The following CLEC16A variants were observed in gnomAD, a reference collection of about 807,000 sequenced individuals.
CLEC16A encodes protein CLEC16A.
Under a neutral mutation model 109.5 loss-of-function variants are expected in CLEC16A, and 51 were observed. The ratio of observed to expected loss-of-function variants is 0.47; its 90% confidence interval spans 0.37 to 0.59. CLEC16A has a LOEUF of 0.59. CLEC16A is among the 20% of genes least tolerant of loss of function. CLEC16A has a pLI of 0.00. For missense variants in CLEC16A, 1,339 were observed against 1,394.0 expected (o/e 0.96, Z 0.63); for synonymous variants, 673 against 564.2 (o/e 1.19, Z -2.73).
rs560460133 is a variant in CLEC16A, at chr16:11,178,632, C to A, written c.3104C>A (p.Thr1035Lys). Residue 1035 changes from threonine (T) to lysine (K), a missense_variant, in exon 24 of 24, where the codon ACA (threonine) becomes AAA (lysine). This residue lies in a region of CLEC16A where 1,061 missense variants were observed against 1,006.8 expected (regional missense o/e 1.05). Transcript: ENST00000409790. The surrounding 1 kb of genome is among the most constrained non-coding windows in gnomAD (Gnocchi z 6.5). ...PPLSTPAAAC[T>K]EPVGEEAACA... ...CTGTCCACGCCGGCTGCCGCCTGCA[C>A]AGAGCCCGTGGGCGAAGAGGCTGCA... 107 of 1,592,686 alleles carry A rather than the reference C, an allele frequency of 6.7e-5. No individual in the cohort carries two copies. The South Asian group carries it at 1.1e-3, about 16-fold the overall frequency.
intron 19 of CLEC16A, among the ~76,000 whole-genome samples, chr16:11,074,926 A>G (rs966962518): frequency 1.3e-5 from 2 of 152,132 alleles, no homozygotes; most frequent in African/African-American, 4.8e-5. Flanking sequence ...TAATCCCAGC[A>G]CTTTGGGAGG....
intron 8 of CLEC16A, among the ~76,000 whole-genome samples, chr16:10,978,956 C>A (rs1004768646): frequency 7.9e-5 from 12 of 152,172 alleles, no homozygotes; most frequent in African/African-American, 1.7e-4. Context: ...CCTCCTCCCC[C>A]ATGCTTTGAA....
intron 19 of CLEC16A, among the ~76,000 whole-genome samples, chr16:11,106,777 G>C (rs2152993815): frequency 6.6e-6 from 1 of 152,178 alleles, no homozygotes; most frequent in African/African-American, 2.4e-5. Context: ...TGCATATCAT[G>C]AAGTAGAGCT....
chr16:11,106,613 G>T (rs1205061595), intron 19 of CLEC16A, among the ~76,000 whole-genome samples: 1 of 151,894 alleles, frequency 6.6e-6, no homozygotes, highest in African/African-American at 2.4e-5. Flanking sequence ...AGCCTCCTGA[G>T]TTGTGGGACT....
intron 22 of CLEC16A, among the ~76,000 whole-genome samples, chr16:11,128,952 C>T (rs970924326): frequency 6.6e-6 from 1 of 152,202 alleles, no homozygotes; most frequent in Admixed American, 6.5e-5. Flanking sequence ...ACCCCTGCCT[C>T]CAGCTTTTTG....
chr16:11,058,283 A>G (rs1394068448), intron 18 of CLEC16A, among the ~76,000 whole-genome samples: 8 of 152,210 alleles, frequency 5.3e-5, no homozygotes, highest in Non-Finnish European at 2.9e-5. Context: ...CTCGGTATCC[A>G]TGGGGAATTG....
intron 9 of CLEC16A, among the ~76,000 whole-genome samples, chr16:10,980,350 A>G (rs1432553428): frequency 6.6e-6 from 1 of 152,008 alleles, no homozygotes; most frequent in Non-Finnish European, 1.5e-5. Context: ...GCTCTGTACG[A>G]CGGCGCTGAG....
At chr16:11,066,952 C>T (rs1352403711) in intron 19 of CLEC16A, among the ~76,000 whole-genome samples, 2 of 151,984 alleles carry the variant, frequency 1.3e-5, no homozygotes. Flanking sequence ...GGGGACGGAT[C>T]GCCAACTTTT....
chr16:11,035,558 C>T lies in CLEC16A; in HGVS notation c.1538-4196C>T, dbSNP rs535201111. ...CATTCAGGGCTGGGCTTTCCACTCTCCACATGACCCCAGGCAAGCTCATGT... is the reference window on the plus strand; with the variant it reads ...CATTCAGGGCTGGGCTTTCCACTCTTCACATGACCCCAGGCAAGCTCATGT... On this transcript the variant is annotated intron_variant, in intron 13 of 23. Coordinates refer to ENST00000409790, the MANE Select transcript of CLEC16A (RefSeq NM_015226.3). Among the ~76,000 whole-genome samples, 37 of 152,320 alleles carry T rather than the reference C, an allele frequency of 2.4e-4. No individual in the cohort carries two copies. In the South Asian group the frequency reaches 6.4e-3, roughly 26 times the overall value.
chr16:11,039,992 C>G (rs1234716536), intron 14 of CLEC16A, 116 bp downstream of exon 14: 2 of 1,257,620 alleles, frequency 1.6e-6, no homozygotes, highest in Admixed American at 2.9e-5. Context: ...CGGGCCCATC[C>G]CAACCTCTCC....
chr16:10,976,708 C>A (rs2043047879), intron 7 of CLEC16A, among the ~76,000 whole-genome samples: 1 of 152,236 alleles, frequency 6.6e-6, no homozygotes, highest in Admixed American at 6.5e-5. Context: ...CCTGGCCCCC[C>A]ATCCCCAGCA....
chr16:11,096,138 T>C (rs1212480322), intron 19 of CLEC16A, among the ~76,000 whole-genome samples: 2 of 151,416 alleles, frequency 1.3e-5, no homozygotes, highest in Admixed American at 1.3e-4. Context: ...AGCCCAGGAG[T>C]TGGAGACCAG....
intron 1 of CLEC16A, among the ~76,000 whole-genome samples, chr16:10,950,810 G>T (rs150487631): frequency 6.6e-6 from 1 of 152,310 alleles, no homozygotes; most frequent in Admixed American, 6.5e-5. Flanking sequence ...ATTTGGAGCT[G>T]TGTGGACATT....
intron 22 of CLEC16A, among the ~76,000 whole-genome samples, chr16:11,153,477 T>C (rs1219866339): frequency 1.3e-5 from 2 of 151,838 alleles, no homozygotes; most frequent in African/African-American, 2.4e-5. Flanking sequence ...TTAACATAAA[T>C]GTTGTGCTTT....
chr16:11,052,700 C>G (rs2048012307), intron 18 of CLEC16A, among the ~76,000 whole-genome samples: 1 of 152,158 alleles, frequency 6.6e-6, no homozygotes, highest in Admixed American at 6.5e-5. Flanking sequence ...TCAGCTTTCA[C>G]TGGAGGACTG....
rs1291749265 is a variant in CLEC16A, at chr16:10,957,822, G to C, written c.121G>C (p.Glu41Gln). 1.2e-6 allele frequency: 2 copies of C among 1,613,836 alleles called. No homozygotes were observed. Among genetic ancestry groups the C allele is most frequent in the Non-Finnish European group, 1.7e-6 (2 of 1,179,760 alleles). The stretch of plus-strand genomic sequence containing the variant: ...TTTGACCAAAAACACCACAGTCACA[G>C]AACAGAACCGGAACCTGCTAGTGGA... ...HVLTKNTTVT[E>Q]QNRNLLVETI... Residue 41 changes from glutamate (E) to glutamine (Q), a missense_variant, in exon 2 of 24, where the codon GAA (glutamate) becomes CAA (glutamine). Physicochemically the swap from Glu to Gln is conservative, Grantham distance 29. Around this residue, in one of 3 missense-constraint regions of CLEC16A, gnomAD observed 117 missense variants for 120.2 expected, o/e 0.97. Transcript: ENST00000409790.
At position 10,961,968 on chromosome 16, in the gene CLEC16A, C is replaced by CT. The variant is rs5815604; in HGVS notation, c.210-473dup. Among the ~76,000 whole-genome samples, 57,067 of 135,190 alleles carry CT rather than the reference C, an allele frequency of 0.42. 13,653 individuals carry two copies. The highest frequency in any genetic ancestry group is 0.68 in the African/African-American group (24,503 of 36,242). The allele number at this position is 135,190 out of a possible 152,430, so 88.7% of individuals were successfully genotyped here. A position where few individuals can be genotyped will look rare whatever the true frequency, so the allele number is the denominator to read the frequency against. ...TTGGGAACTTTTTTTTCTTTTTTTT[C>CT]TTTTTTTTTTTTTTGGCTCTGTCAC... On this transcript the variant is annotated intron_variant, in intron 2 of 23. Transcript: ENST00000409790. The surrounding 1 kb of genome is among the most constrained non-coding windows in gnomAD (Gnocchi z 4.3).
chr16:11,108,450 C>G (rs142423740), intron 19 of CLEC16A, among the ~76,000 whole-genome samples: 14 of 152,378 alleles, frequency 9.2e-5, no homozygotes, highest in African/African-American at 3.1e-4. Flanking sequence ...GTTGAGAGCT[C>G]ACATCATTTG....
At chr16:11,057,793 A>T (rs369856788) in intron 18 of CLEC16A, among the ~76,000 whole-genome samples, 118 of 152,156 alleles carry the variant, frequency 7.8e-4, no homozygotes, top group Non-Finnish European at 1.4e-3. Flanking sequence ...GAGGTCAAGG[A>T]GTGTGGTTGG....
Sources: allele counts gnomAD v4.1 joint callset (sites outside exome capture counted in the v4.1 genomes callset), GRCh38; gene constraint gnomAD v4.1.1; regional missense constraint gnomAD v4.1.1; non-coding constraint Gnocchi (gnomAD v3.1); transcripts MANE v1.5; gene names NCBI Gene and HGNC (gene_info 2026-07-23, HGNC 2026-07-21).